The following ROR1 variants were observed in gnomAD, a reference collection of about 807,000 sequenced individuals.
The protein encoded by ROR1 is ROR family WNT receptor 1, also known as inactive tyrosine-protein kinase transmembrane receptor ROR1.
ROR1 carries 19 observed loss-of-function variants against 78.8 expected under a neutral mutation model. The ratio of observed to expected loss-of-function variants is 0.24; its 90% CI spans 0.17 to 0.35. The LOEUF (loss-of-function observed/expected upper bound fraction) is 0.35. Ranked by LOEUF, ROR1 falls within the 10% of genes least tolerant of loss-of-function variation. The pLI is 1.00. For synonymous variants in ROR1, 386 were observed against 433.6 expected (o/e 0.89, Z 1.36); for missense variants, 917 against 1,177.8 (o/e 0.78, Z 3.24).
At chr1:63,898,196 C>T (rs1051340490) in intron 1 of ROR1, among the ~76,000 whole-genome samples, 3 of 152,162 alleles carry the variant, frequency 2.0e-5, no homozygotes, top group Admixed American at 6.5e-5. Context: ...TTTCTGTTCA[C>T]ATGTGGGTCT....
At chr1:64,064,532 T>A (rs1180972321) in intron 4 of ROR1, among the ~76,000 whole-genome samples, 2 of 152,162 alleles carry the variant, frequency 1.3e-5, no homozygotes, top group Non-Finnish European at 2.9e-5. Flanking sequence ...AAGGAACGGA[T>A]CTGAAGACAA....
intron 1 of ROR1, among the ~76,000 whole-genome samples, chr1:63,876,186 T>A (rs962125024): frequency 6.6e-6 from 1 of 152,170 alleles, no homozygotes; most frequent in Non-Finnish European, 1.5e-5. Context: ...TTTGAATGTT[T>A]CTAATAAGAT....
At chr1:63,812,763 T>C (rs1202771415) in intron 1 of ROR1, among the ~76,000 whole-genome samples, 1 of 152,220 alleles carries the variant, frequency 6.6e-6, no homozygotes, top group Non-Finnish European at 1.5e-5. Flanking sequence ...TGTTGAGCAC[T>C]TTATTAAGAG....
intron 1 of ROR1, among the ~76,000 whole-genome samples, chr1:63,928,002 G>A (rs1256891920): frequency 6.8e-6 from 1 of 146,352 alleles, no homozygotes; most frequent in Middle Eastern, 3.6e-3. Context: ...GATTTGGCAT[G>A]CTGGCAACTG....
intron 1 of ROR1, among the ~76,000 whole-genome samples, chr1:63,791,586 A>G (rs932323624): frequency 6.6e-6 from 1 of 152,058 alleles, no homozygotes; most frequent in African/African-American, 2.4e-5. Context: ...AGTCAAAGCA[A>G]CTCAGAAGGA....
In ROR1 at chr1:64,140,362, A is replaced by G; in HGVS notation, c.864A>G (p.Pro288=). The G allele has an allele frequency of 3.7e-6, 6 of 1,613,688 alleles. No homozygotes were observed. The highest frequency in any genetic ancestry group is 5.1e-6 in the Non-Finnish European group (6 of 1,179,856). Reference sequence around the variant, plus strand: ...CAAACTGTGAAGATCTCCCCCAGCCAGAGAGCCCAGAAGCTGCGAACTGTA... The same window carrying G: ...CAAACTGTGAAGATCTCCCCCAGCCGGAGAGCCCAGAAGCTGCGAACTGTA... ...KLPNCEDLPQ[P]ESPEAANCIR... The change falls in exon 6 of 9, where the codon CCA becomes CCG. Residue 288 remains proline, a synonymous_variant. Coordinates refer to ENST00000371079, the MANE Select transcript of ROR1 (RefSeq NM_005012.4).
chr1:63,818,707 CAG>C lies in ROR1; in HGVS notation c.91+44201_91+44202del, dbSNP rs1315405999. 2.0e-5 allele frequency among the ~76,000 whole-genome samples: 3 copies of C among 152,302 alleles called. No individual in the cohort carries two copies. The East Asian group carries it at 5.8e-4, about 29-fold the overall frequency. ...TAGGTCTGTTGTTTAAAGGATCTGA[CAG>C]AAATAATTATAATGAGGCTGATGGT... On this transcript the variant is annotated intron_variant, in intron 1 of 8. Transcript: ENST00000371079.
intron 1 of ROR1, among the ~76,000 whole-genome samples, chr1:63,969,716 C>T (rs1569992414): frequency 6.6e-6 from 1 of 152,108 alleles, no homozygotes. Flanking sequence ...TTCCCCCTCC[C>T]GTGTTGATCT....
intron 1 of ROR1, among the ~76,000 whole-genome samples, chr1:63,951,955 A>G (rs1645943667): frequency 6.6e-6 from 1 of 152,208 alleles, no homozygotes; most frequent in Non-Finnish European, 1.5e-5. Context: ...TTAAATATCA[A>G]TTTACTGAGT....
At chr1:64,087,493 C>G (rs1439067840) in intron 4 of ROR1, among the ~76,000 whole-genome samples, 2 of 152,226 alleles carry the variant, frequency 1.3e-5, no homozygotes, top group African/African-American at 4.8e-5. Context: ...ACCAGGGACC[C>G]TGGTAACTAG....
chr1:63,961,927 A>G (rs1241507383), intron 1 of ROR1, among the ~76,000 whole-genome samples: 1 of 152,218 alleles, frequency 6.6e-6, no homozygotes, highest in East Asian at 1.9e-4. Context: ...TGCATTGTGT[A>G]CATATATTGA....
chr1:63,918,208 A>G (rs904220425), intron 1 of ROR1, among the ~76,000 whole-genome samples: 2 of 152,232 alleles, frequency 1.3e-5, no homozygotes, highest in African/African-American at 4.8e-5. Flanking sequence ...ACCATGTTGT[A>G]CTTTCTGCCA....
intron 1 of ROR1, among the ~76,000 whole-genome samples, chr1:63,826,498 G>A (rs995888806): frequency 6.6e-6 from 1 of 152,010 alleles, no homozygotes; most frequent in African/African-American, 2.4e-5. Flanking sequence ...TATCATTGAT[G>A]GGTATTTGTG....
chr1:63,905,670 A>T (rs1039227450), intron 1 of ROR1, among the ~76,000 whole-genome samples: 2 of 152,244 alleles, frequency 1.3e-5, no homozygotes, highest in African/African-American at 4.8e-5. Context: ...CAAAGCATAC[A>T]TGGTAATAGA....
chr1:63,933,528 G>C (rs1054156574), intron 1 of ROR1, among the ~76,000 whole-genome samples: 4 of 152,176 alleles, frequency 2.6e-5, no homozygotes, highest in African/African-American at 9.7e-5. Flanking sequence ...TCTTTCGTAA[G>C]TTTTCTAACT....
intron 4 of ROR1, chr1:64,095,116 A>G (rs1647264379): frequency 6.6e-6 from 1 of 152,138 alleles, no homozygotes; most frequent in Admixed American, 6.6e-5. Flanking sequence ...GTCACTATAA[A>G]ATCTCCTGTT....
At chr1:63,888,109 G>C (rs1191660120) in intron 1 of ROR1, among the ~76,000 whole-genome samples, 1 of 152,164 alleles carries the variant, frequency 6.6e-6, no homozygotes, top group Non-Finnish European at 1.5e-5. Flanking sequence ...TAGCAGCTAA[G>C]CAGAGGTCAT....
chr1:63,964,374 ATCC>A (rs1646057027), intron 1 of ROR1, among the ~76,000 whole-genome samples: 1 of 152,190 alleles, frequency 6.6e-6, no homozygotes, highest in Non-Finnish European at 1.5e-5. Context: ...AATCAATTCT[ATCC>A]TCTTTCTTCA....
intron 1 of ROR1, among the ~76,000 whole-genome samples, chr1:63,924,870 A>G (rs945713762): frequency 4.1e-5 from 6 of 145,900 alleles, no homozygotes; most frequent in Non-Finnish European, 7.4e-5. Flanking sequence ...CCCTGTCCAC[A>G]TTTTCTCATC....
Sources: allele counts gnomAD v4.1 joint callset (sites outside exome capture counted in the v4.1 genomes callset), GRCh38; gene constraint gnomAD v4.1.1; transcripts MANE v1.5; gene names NCBI Gene and HGNC (gene_info 2026-07-23, HGNC 2026-07-21).